SLC25A21: variants seen among roughly 807,000 people sequenced by gnomAD.
The protein encoded by SLC25A21 is solute carrier family 25 member 21, also known as mitochondrial 2-oxodicarboxylate carrier.
A neutral mutation model predicts 43.8 loss-of-function variants in SLC25A21; 47 were observed. The observed-to-expected ratio is 1.07, with a 90% CI of 0.85 to 1.37. The LOEUF (loss-of-function observed/expected upper bound fraction) is 1.37. Among genes scored for constraint, SLC25A21 ranks in the 40% most tolerant of loss-of-function variants. The probability of loss-of-function intolerance (pLI) is 0.00; values close to 1 mark genes in which losing one functional copy is unlikely to be tolerated. For synonymous variants in SLC25A21, 131 were observed against 121.3 expected (o/e 1.08, Z -0.52); for missense variants, 352 against 350.2 (o/e 1.00, Z -0.04).
intron 1 of SLC25A21, among the ~76,000 whole-genome samples, chr14:36,962,077 C>T (rs1012960727): frequency 2.6e-5 from 4 of 152,160 alleles, no homozygotes; most frequent in East Asian, 1.9e-4. Context: ...TGGTTCTTTC[C>T]GAACCACTCA....
rs1242965821 is a variant in SLC25A21, at chr14:37,169,604, C to CACACACACACACACACAG, written c.70+2676_70+2677insCTGTGTGTGTGTGTGTGT. On this transcript the variant is annotated intron_variant, in intron 1 of 9. Transcript: ENST00000331299. ...TAACACACACACACACACACACACACACAGAAGTGTTGTATTCATGGACAA... is the reference window on the plus strand; with the variant it reads ...TAACACACACACACACACACACACACACACACACACACACACAGACAGAAGTGTTGTATTCATGGACAA... Among the ~76,000 whole-genome samples the CACACACACACACACACAG allele has an allele frequency of 1.4e-3, 209 of 151,354 alleles. 1 individual carries two copies. Among genetic ancestry groups the CACACACACACACACACAG allele is most frequent in the South Asian group, 4.6e-3 (22 of 4,732 alleles).
At chr14:36,864,834 G>A (rs943119108) in intron 2 of SLC25A21, among the ~76,000 whole-genome samples, 6 of 152,120 alleles carry the variant, frequency 3.9e-5, no homozygotes, top group Non-Finnish European at 5.9e-5. Flanking sequence ...GCATAACCAT[G>A]TTCTAACCCT....
chr14:36,996,798 C>T (rs1960381450), intron 1 of SLC25A21, among the ~76,000 whole-genome samples: 1 of 152,142 alleles, frequency 6.6e-6, no homozygotes, highest in African/African-American at 2.4e-5. Flanking sequence ...GCCCTGTCTC[C>T]TCAGAGTGTG....
chr14:36,684,679 G>T, intron 8 of SLC25A21, 65 bp downstream of exon 8: 1 of 1,449,794 alleles, frequency 6.9e-7, no homozygotes, highest in Non-Finnish European at 9.3e-7. Context: ...TAAATGGAAG[G>T]ACAATACGGT....
intron 1 of SLC25A21, among the ~76,000 whole-genome samples, chr14:37,053,992 C>T (rs930731711): frequency 1.3e-5 from 2 of 152,198 alleles, no homozygotes; most frequent in Admixed American, 6.5e-5. Context: ...TGCTATTCCT[C>T]CCATTGAGAG....
In SLC25A21 at chr14:36,680,542, CT is replaced by C; in HGVS notation, c.*115del. 7.2e-7 allele frequency: 1 copy of C among 1,387,876 alleles called. No individual in the cohort carries two copies. Among genetic ancestry groups the C allele is most frequent in the Non-Finnish European group, 9.4e-7 (1 of 1,066,908 alleles). The allele number at this position is 1,387,876 out of a possible 1,614,324, so 86.0% of individuals were successfully genotyped here. On this transcript the variant is annotated 3_prime_UTR_variant, in exon 10 of 10. Coordinates refer to ENST00000331299, the MANE Select transcript of SLC25A21 (RefSeq NM_030631.4). ...TTAAAGTATTAAAATAGATTTTGTT[CT>C]TGAACAGTTTTCTCCTTCATAATTA...
chr14:37,057,006 A>G (rs12892230), intron 1 of SLC25A21, among the ~76,000 whole-genome samples: 34,783 of 152,190 alleles, frequency 0.23, 4,598 homozygotes, highest in Non-Finnish European at 0.29. Context: ...CGAAAAAGCC[A>G]AAGACCACTT....
At chr14:37,142,919 ATT>A (rs1963595445) in intron 1 of SLC25A21, among the ~76,000 whole-genome samples, 1 of 152,172 alleles carries the variant, frequency 6.6e-6, no homozygotes, top group Non-Finnish European at 1.5e-5. Flanking sequence ...TTTGACTATT[ATT>A]TTTTTAGTTG....
intron 2 of SLC25A21, among the ~76,000 whole-genome samples, chr14:36,843,788 T>C (rs1045085965): frequency 6.6e-5 from 10 of 152,200 alleles, no homozygotes; most frequent in African/African-American, 2.2e-4. Flanking sequence ...TAATGTTCAG[T>C]ACACATCCAA....
In SLC25A21 at chr14:36,789,726, T is replaced by TATTTTATATATTTATATATAATAC. The variant is rs1566615334; in HGVS notation, c.203+24168_203+24191dup. Reference sequence around the variant, plus strand: ...ATATTTTATATATTTATATATAATATATTTTATATATTTATATATAATACA... The same window carrying TATTTTATATATTTATATATAATAC: ...ATATTTTATATATTTATATATAATATATTTTATATATTTATATATAATACATTTTATATATTTATATATAATACA... On this transcript the variant is annotated intron_variant, in intron 3 of 9. Transcript: ENST00000331299. Among the ~76,000 whole-genome samples the TATTTTATATATTTATATATAATAC allele has an allele frequency of 4.4e-4, 58 of 130,720 alleles. 1 individual carries two copies. The East Asian group carries it at 4.7e-3, about 11-fold the overall frequency. The allele number at this position is 130,720 out of a possible 152,430, so 85.8% of individuals were successfully genotyped here. A position where few individuals can be genotyped will look rare whatever the true frequency, so the allele number is the denominator to read the frequency against.
intron 1 of SLC25A21, among the ~76,000 whole-genome samples, chr14:37,142,917 T>C (rs964360914): frequency 2.6e-5 from 4 of 152,314 alleles, no homozygotes; most frequent in South Asian, 4.1e-4. Context: ...TATTTGACTA[T>C]TATTTTTTTA....
At chr14:37,018,795 C>T (rs548382375) in intron 1 of SLC25A21, among the ~76,000 whole-genome samples, 62 of 152,080 alleles carry the variant, frequency 4.1e-4, no homozygotes, top group African/African-American at 1.4e-3. Flanking sequence ...TCTTGGCTTA[C>T]ACCACCCGCA....
Position 37,159,903 on chromosome 14 carries a change from T to C in SLC25A21, c.70+12378A>G, listed in dbSNP as rs115110488. Among the ~76,000 whole-genome samples the C allele has an allele frequency of 1.5e-3, 223 of 152,160 alleles. 1 individual carries two copies. Among genetic ancestry groups the C allele is most frequent in the African/African-American group, 5.0e-3 (209 of 41,516 alleles). Reference sequence around the variant, plus strand: ...AAAGATAAATAACATCATTAAAAAGTAGGCAAAGTACACGAATAGACATTT... The same window carrying C: ...AAAGATAAATAACATCATTAAAAAGCAGGCAAAGTACACGAATAGACATTT... On this transcript the variant is annotated intron_variant, in intron 1 of 9. Coordinates refer to ENST00000331299, the MANE Select transcript of SLC25A21 (RefSeq NM_030631.4).
At chr14:36,791,917 T>C (rs1026529384) in intron 3 of SLC25A21, among the ~76,000 whole-genome samples, 4 of 152,144 alleles carry the variant, frequency 2.6e-5, no homozygotes, top group African/African-American at 9.7e-5. Flanking sequence ...ATATTCTATT[T>C]CTTGGTCTGA....
intron 7 of SLC25A21, among the ~76,000 whole-genome samples, chr14:36,692,172 G>A (rs935283118): frequency 6.6e-6 from 1 of 152,170 alleles, no homozygotes; most frequent in African/African-American, 2.4e-5. Context: ...TGAGTGCACA[G>A]CTAAAGAGAT....
At chr14:37,011,165 G>A (rs1010580845) in intron 1 of SLC25A21, among the ~76,000 whole-genome samples, 4 of 152,138 alleles carry the variant, frequency 2.6e-5, no homozygotes, top group Non-Finnish European at 5.9e-5. Flanking sequence ...GGGCTTACAG[G>A]TATCAGCCAC....
In SLC25A21 at chr14:37,172,564, T is replaced by G. The variant is rs1964154726; in HGVS notation, c.-214A>C. On this transcript the variant is annotated 5_prime_UTR_variant, in exon 1 of 10. Coordinates refer to ENST00000331299, the MANE Select transcript of SLC25A21 (RefSeq NM_030631.4). Reference sequence around the variant, plus strand: ...GCGTCGGAACCTGTTCGCAGCGCTCTCGCAGAGGCGCCCTCGGCTCCGAAA... The same window carrying G: ...GCGTCGGAACCTGTTCGCAGCGCTCGCGCAGAGGCGCCCTCGGCTCCGAAA... 1 of 706,582 alleles carries G rather than the reference T, an allele frequency of 1.4e-6. No individual in the cohort carries two copies. Among genetic ancestry groups the G allele is most frequent in the African/African-American group, 1.7e-5 (1 of 57,294 alleles). The allele number at this position is 706,582 out of a possible 1,614,324, so 43.8% of individuals were successfully genotyped here.
chr14:36,941,652 A>G (rs1013862061), intron 1 of SLC25A21, among the ~76,000 whole-genome samples: 1 of 151,808 alleles, frequency 6.6e-6, no homozygotes, highest in African/African-American at 2.4e-5. Flanking sequence ...AATTAAATAT[A>G]ATTATACTTT....
At chr14:36,691,483 A>G (rs999615710) in intron 7 of SLC25A21, among the ~76,000 whole-genome samples, 1 of 152,210 alleles carries the variant, frequency 6.6e-6, no homozygotes, top group African/African-American at 2.4e-5. Context: ...TGTTTCTTGT[A>G]CTTAATTGAT....
Sources: allele counts gnomAD v4.1 joint callset (sites outside exome capture counted in the v4.1 genomes callset), GRCh38; gene constraint gnomAD v4.1.1; transcripts MANE v1.5; gene names NCBI Gene and HGNC (gene_info 2026-07-23, HGNC 2026-07-21).